HSD17B2: variants seen among roughly 807,000 people sequenced by gnomAD.
HSD17B2 encodes 17-beta-hydroxysteroid dehydrogenase type 2.
In HSD17B2, 32 loss-of-function variants were observed where a neutral mutation model predicts 26.9. The observed-to-expected ratio is 1.19, with a 90% CI of 0.90 to 1.60. The LOEUF is 1.60. HSD17B2 is among the 40% of genes most tolerant of loss of function. HSD17B2 has a pLI of 0.00. For missense variants in HSD17B2, 613 were observed against 468.6 expected (o/e 1.31, Z -2.85); for synonymous variants, 246 against 186.7 (o/e 1.32, Z -2.59).
intron 3 of HSD17B2, among the ~76,000 whole-genome samples, chr16:82,085,389 T>C (rs1037919082): frequency 6.6e-6 from 1 of 152,140 alleles, no homozygotes; most frequent in Admixed American, 6.6e-5. Context: ...CTATAGTCAA[T>C]TCATTCTAAC....
chr16:82,097,094 T>C (rs1436804041), intron 4 of HSD17B2: 2 of 151,592 alleles, frequency 1.3e-5, no homozygotes, highest in Non-Finnish European at 2.9e-5. Context: ...TGCAGTCATA[T>C]AATAGCTCAC....
intron 1 of HSD17B2, among the ~76,000 whole-genome samples, chr16:82,063,904 C>G (rs1207521139): frequency 6.6e-6 from 1 of 152,090 alleles, no homozygotes; most frequent in African/African-American, 2.4e-5. Context: ...TTAAACTAAC[C>G]ACAAAAACAA....
At chr16:82,053,251 T>A (rs1008690419) in intron 1 of HSD17B2, among the ~76,000 whole-genome samples, 33 of 152,096 alleles carry the variant, frequency 2.2e-4, no homozygotes, top group African/African-American at 7.7e-4. Flanking sequence ...GAATTGGTGA[T>A]CAGAGTCACC....
intron 3 of HSD17B2, chr16:82,090,106 C>G (rs1904640619): frequency 5.2e-6 from 2 of 385,498 alleles, no homozygotes; most frequent in Admixed American, 6.5e-5. Context: ...CCACCATTTC[C>G]CAGGATGTAT....
At chr16:82,087,611 T>A (rs1199883085) in intron 3 of HSD17B2, among the ~76,000 whole-genome samples, 1 of 152,228 alleles carries the variant, frequency 6.6e-6, no homozygotes, top group African/African-American at 2.4e-5. Context: ...GTTTAGATTG[T>A]CAATGTGGTA....
intron 1 of HSD17B2, among the ~76,000 whole-genome samples, chr16:82,036,752 A>T (rs1433150364): frequency 2.0e-5 from 3 of 152,236 alleles, no homozygotes; most frequent in Non-Finnish European, 4.4e-5. Flanking sequence ...GAAAGTTTAG[A>T]GGGAGAAAAT....
At chr16:82,059,157 G>T (rs1157600902) in intron 1 of HSD17B2, among the ~76,000 whole-genome samples, 1 of 152,132 alleles carries the variant, frequency 6.6e-6, no homozygotes, top group East Asian at 1.9e-4. Flanking sequence ...CATATTCCTA[G>T]AACTTTCCTA....
intron 3 of HSD17B2, among the ~76,000 whole-genome samples, chr16:82,078,454 A>T (rs542151327): frequency 6.6e-6 from 1 of 152,312 alleles, no homozygotes; most frequent in East Asian, 1.9e-4. Context: ...AATTAGTACA[A>T]TTGCTATGGA....
intron 1 of HSD17B2, among the ~76,000 whole-genome samples, chr16:82,038,499 G>GCTAC (rs1317880437): frequency 6.6e-6 from 1 of 152,172 alleles, no homozygotes; most frequent in Non-Finnish European, 1.5e-5. Flanking sequence ...ACAGGCACGT[G>GCTAC]CTACCACGTT....
intron 1 of HSD17B2, chr16:82,063,202 G>A (rs1307416180): frequency 6.6e-6 from 1 of 152,196 alleles, no homozygotes; most frequent in East Asian, 1.9e-4. Flanking sequence ...ATGTTCAGCT[G>A]ACAGTCAGTA....
intron 4 of HSD17B2, chr16:82,093,240 A>G (rs574474320): frequency 2.0e-5 from 3 of 152,304 alleles, no homozygotes; most frequent in South Asian, 2.1e-4. Context: ...CAACCTCCCA[A>G]TAGGTAATCA....
chr16:82,067,118 C>T (rs755722606), intron 1 of HSD17B2, among the ~76,000 whole-genome samples: 4 of 152,160 alleles, frequency 2.6e-5, no homozygotes, highest in South Asian at 2.1e-4. Context: ...AGCTTGGAAG[C>T]GAGATCTCTT....
intron 1 of HSD17B2, among the ~76,000 whole-genome samples, chr16:82,062,181 T>C (rs927837409): frequency 5.3e-5 from 8 of 152,094 alleles, no homozygotes; most frequent in Non-Finnish European, 7.4e-5. Flanking sequence ...ATAAACTGAG[T>C]CTTTATTAAC....
chr16:82,072,717 C>A (rs554434119), intron 3 of HSD17B2, among the ~76,000 whole-genome samples: 2 of 152,138 alleles, frequency 1.3e-5, no homozygotes, highest in African/African-American at 2.4e-5. Context: ...AGTGTATGAA[C>A]GAGTGAAAAA....
chr16:82,056,981 A>C (rs1914287894), intron 1 of HSD17B2, among the ~76,000 whole-genome samples: 1 of 152,240 alleles, frequency 6.6e-6, no homozygotes, highest in Admixed American at 6.5e-5. Context: ...GAAGCTCTAA[A>C]TAGCCAAAGC....
intron 1 of HSD17B2, among the ~76,000 whole-genome samples, chr16:82,067,947 C>T (rs1325773204): frequency 6.6e-6 from 1 of 152,200 alleles, no homozygotes; most frequent in Non-Finnish European, 1.5e-5. Context: ...CACTCACAAC[C>T]CCTAATTCTA....
intron 1 of HSD17B2, among the ~76,000 whole-genome samples, chr16:82,049,300 T>A (rs891708225): frequency 6.6e-6 from 1 of 152,192 alleles, no homozygotes; most frequent in South Asian, 2.1e-4. Context: ...CATTCTATAA[T>A]GCAAAGGACA....
chr16:82,064,245 T>C (rs530681220), intron 1 of HSD17B2, among the ~76,000 whole-genome samples: 1 of 152,222 alleles, frequency 6.6e-6, no homozygotes, highest in African/African-American at 2.4e-5. Context: ...AAGATCACAA[T>C]GTCTCCTCCT....
At chr16:82,056,725 C>T (rs1914281247) in intron 1 of HSD17B2, among the ~76,000 whole-genome samples, 1 of 152,180 alleles carries the variant, frequency 6.6e-6, no homozygotes, top group African/African-American at 2.4e-5. Context: ...GTGAAATATA[C>T]ACTAGTCATT....
Sources: gnomAD v4.1 joint callset for allele counts (sites outside exome capture counted in the v4.1 genomes callset) on GRCh38, gnomAD v4.1.1 for gene constraint, MANE v1.5 for transcripts, NCBI Gene and HGNC (gene_info 2026-07-23, HGNC 2026-07-21) for gene names.